AP1B1: variants seen among roughly 807,000 people sequenced by gnomAD.
AP1B1 encodes AP-1 complex subunit beta-1.
In AP1B1, 36 loss-of-function variants were observed where a neutral mutation model predicts 104.3. The observed-to-expected ratio is 0.35, with a 90% CI of 0.26 to 0.46. AP1B1 has a LOEUF of 0.46. AP1B1 is among the 20% of genes least tolerant of loss of function. AP1B1 has a pLI of 1.00. For missense variants in AP1B1, 901 were observed against 1,247.9 expected (o/e 0.72, Z 4.19); for synonymous variants, 504 against 517.5 (o/e 0.97, Z 0.35).
In AP1B1 at chr22:29,342,782, G is replaced by A. The variant is rs576497573; in HGVS notation, c.1438-399C>T. ...GCGACAGTCCCATGGAGGCCCAGGG[G>A]ACTGGGGCAGCAGGGCCCACAGAGC... is the stretch of plus-strand genomic sequence containing the variant. On this transcript the variant is annotated intron_variant, in intron 11 of 22. Coordinates refer to ENST00000357586, the MANE Select transcript of AP1B1 (RefSeq NM_001127.4). Among the ~76,000 whole-genome samples the A allele has an allele frequency of 2.6e-5, 4 of 152,326 alleles. No homozygotes were observed. In the East Asian group the frequency reaches 7.7e-4, roughly 29 times the overall value.
chr22:29,336,345 A>G (rs942642603), intron 16 of AP1B1, among the ~76,000 whole-genome samples: 5 of 152,216 alleles, frequency 3.3e-5, no homozygotes, highest in African/African-American at 1.2e-4. Context: ...CCCATGACCA[A>G]GGCAGTGGGG....
intron 3 of AP1B1, among the ~76,000 whole-genome samples, chr22:29,361,013 G>GA (rs2062036962): frequency 6.6e-6 from 1 of 152,196 alleles, no homozygotes; most frequent in Admixed American, 6.5e-5. Context: ...GAGGGAGGAG[G>GA]AAAAACTGCT....
At chr22:29,382,856 T>A (rs1381692115) in intron 1 of AP1B1, among the ~76,000 whole-genome samples, 3 of 152,166 alleles carry the variant, frequency 2.0e-5, no homozygotes, top group Non-Finnish European at 2.9e-5. Flanking sequence ...GGCCTTATGA[T>A]CAAGCGTGAG....
intron 11 of AP1B1, among the ~76,000 whole-genome samples, chr22:29,348,278 T>C (rs1211552594): frequency 6.6e-6 from 1 of 152,222 alleles, no homozygotes; most frequent in Non-Finnish European, 1.5e-5. Flanking sequence ...TGAGGTCAAA[T>C]AAGGCAACAC....
At chr22:29,374,271 C>T (rs888220276) in intron 1 of AP1B1, among the ~76,000 whole-genome samples, 6 of 101,260 alleles carry the variant, frequency 5.9e-5, no homozygotes, top group Admixed American at 1.6e-4. Context: ...AAGAATGAAA[C>T]ATTGCATCCA....
intron 18 of AP1B1, 95 bp downstream of exon 18, chr22:29,331,692 A>G: frequency 1.2e-6 from 2 of 1,606,224 alleles, no homozygotes; most frequent in South Asian, 2.2e-5. Flanking sequence ...TGCAGCTAAG[A>G]GCATGACTCC....
intron 1 of AP1B1, among the ~76,000 whole-genome samples, chr22:29,379,645 G>A (rs1158873394): frequency 6.6e-6 from 1 of 152,186 alleles, no homozygotes; most frequent in Non-Finnish European, 1.5e-5. Flanking sequence ...GAACGGCAGA[G>A]TGATCATGCC....
chr22:29,367,281 G>C lies in AP1B1; in HGVS notation c.-27-11C>G. The C allele has an allele frequency of 1.4e-6, 2 of 1,447,028 alleles. No homozygotes were observed. The highest frequency in any genetic ancestry group is 1.9e-6 in the Non-Finnish European group (2 of 1,033,156). The allele number at this position is 1,447,028 out of a possible 1,614,324, so 89.6% of individuals were successfully genotyped here. The stretch of plus-strand genomic sequence containing the variant: ...TCTGTAGCCAGGCTTCTGCAAGAGA[G>C]AGAAGAGAGGGGTGACTTTCAGTTA... On this transcript the variant is annotated splice_polypyrimidine_tract_variant and intron_variant, in intron 1 of 22. Transcript: ENST00000357586.
In AP1B1 at chr22:29,330,297, C is replaced by T. The variant is rs187325020; in HGVS notation, c.2766+81G>A. 12,051 of 1,588,664 alleles carry T rather than the reference C, an allele frequency of 7.6e-3. 65 individuals carry two copies. The highest frequency in any genetic ancestry group is 0.01 in the Admixed American group (588 of 58,108). On this transcript the variant is annotated intron_variant, in intron 21 of 22. Transcript: ENST00000357586. ...GCCAGGCTTGAAGGGACGCTTGGAC[C>T]GCGTCCTCCACCAGGGCCACCCCCT...
At chr22:29,336,758 C>A (rs908716130) in intron 16 of AP1B1, among the ~76,000 whole-genome samples, 3 of 150,392 alleles carry the variant, frequency 2.0e-5, no homozygotes. Context: ...GAGCTGAGAT[C>A]GCACCATTGC....
chr22:29,351,160 C>T lies in AP1B1; in HGVS notation c.1155+11G>A. On this transcript the variant is annotated intron_variant, in intron 9 of 22. Transcript: ENST00000357586. ...CCTTCTCCAGCCAAGGACAGAGTCC[C>T]AGAGCCTCACCTCCACCTTGATGGC... The T allele has an allele frequency of 1.2e-6, 2 of 1,605,000 alleles. No homozygotes were observed. Among genetic ancestry groups the T allele is most frequent in the African/African-American group, 1.3e-5 (1 of 74,906 alleles).
chr22:29,383,909 C>T (rs987804347), intron 1 of AP1B1, among the ~76,000 whole-genome samples: 25 of 152,122 alleles, frequency 1.6e-4, no homozygotes, highest in African/African-American at 6.0e-4. Flanking sequence ...TGACAGAGGT[C>T]AGAGGTCAAG....
At chr22:29,356,008 T>A (rs2061951788) in intron 6 of AP1B1, among the ~76,000 whole-genome samples, 1 of 152,164 alleles carries the variant, frequency 6.6e-6, no homozygotes, top group Non-Finnish European at 1.5e-5. Context: ...CACTATTCCC[T>A]CCACCTCTCT....
chr22:29,348,481 G>A (rs1037450317), intron 11 of AP1B1, among the ~76,000 whole-genome samples: 4 of 152,180 alleles, frequency 2.6e-5, no homozygotes, highest in Non-Finnish European at 5.9e-5. Context: ...GATAAGCTTC[G>A]CTAAGGCATG....
Position 29,349,219 on chromosome 22 carries a change from T to G in AP1B1, c.1436A>C (p.Gln479Pro), listed in dbSNP as rs1340150938. Residue 479 changes from glutamine to proline, a missense_variant and splice_region_variant, in exon 11 of 23, where the codon CAG (glutamine) becomes CCG (proline). By Grantham distance (76) the Gln-to-Pro change is moderately conservative. Transcript: ENST00000357586. Reference sequence around the variant, plus strand: ...ACCCTGGCCAGCTCGCTGGCTCACCTGTGTGCTCTCGTCATGGAAGCCCTC... The same window carrying G: ...ACCCTGGCCAGCTCGCTGGCTCACCGGTGTGCTCTCGTCATGGAAGCCCTC... The part of the protein sequence containing the change: ...FLEGFHDEST[Q>P]VQLQLLTAIV... 1 of 1,612,542 alleles carries G rather than the reference T, an allele frequency of 6.2e-7. No homozygotes were observed. The highest frequency in any genetic ancestry group is 1.3e-5 in the African/African-American group (1 of 74,952).
chr22:29,333,640 A>T (rs759313161), intron 17 of AP1B1, among the ~76,000 whole-genome samples: 6 of 149,368 alleles, frequency 4.0e-5, no homozygotes, highest in Admixed American at 6.7e-5. Flanking sequence ...CTTGAGCCCA[A>T]GGGTTCAAGA....
intron 1 of AP1B1, among the ~76,000 whole-genome samples, chr22:29,375,022 T>C (rs990382065): frequency 6.6e-6 from 1 of 152,104 alleles, no homozygotes. Context: ...GCACAGCATA[T>C]GGACATATGG....
At chr22:29,369,004 G>A (rs1012793912) in intron 1 of AP1B1, among the ~76,000 whole-genome samples, 4 of 151,928 alleles carry the variant, frequency 2.6e-5, no homozygotes, top group African/African-American at 9.7e-5. Context: ...GTTTTATGTG[G>A]TATAGAAAAC....
intron 17 of AP1B1, among the ~76,000 whole-genome samples, chr22:29,332,664 G>A (rs1441806922): frequency 6.6e-6 from 1 of 152,216 alleles, no homozygotes; most frequent in African/African-American, 2.4e-5. Context: ...CACCGTCTCA[G>A]GGAGGAGCAG....
Sources: allele counts gnomAD v4.1 joint callset (sites outside exome capture counted in the v4.1 genomes callset), GRCh38; gene constraint gnomAD v4.1.1; transcripts MANE v1.5; gene names NCBI Gene and HGNC (gene_info 2026-07-23, HGNC 2026-07-21).